Variants in PTPRD observed in about 807,000 individuals in gnomAD.
PTPRD encodes protein tyrosine phosphatase receptor type D.
PTPRD carries 34 observed loss-of-function variants against 214.5 expected under a neutral mutation model. That is an observed-to-expected ratio of 0.16 (90% CI 0.12 to 0.21). The LOEUF (loss-of-function observed/expected upper bound fraction) is 0.21. PTPRD is among the 10% of genes least tolerant of loss of function. The pLI is 1.00. For synonymous variants in PTPRD, 1,128 were observed against 845.7 expected (o/e 1.33, Z -5.79); for missense variants, 2,545 against 2,398.7 (o/e 1.06, Z -1.27).
chr9:9,136,649 A>G (rs930179550), intron 10 of PTPRD, among the ~76,000 whole-genome samples: 5 of 152,200 alleles, frequency 3.3e-5, no homozygotes, highest in Admixed American at 6.5e-5. Context: ...AAATTTTTCA[A>G]CTGCAGTGTT....
intron 3 of PTPRD, among the ~76,000 whole-genome samples, chr9:10,268,124 T>G (rs1595763861): frequency 6.6e-6 from 1 of 150,624 alleles, no homozygotes; most frequent in Non-Finnish European, 1.5e-5. Context: ...TCTTTTTTTT[T>G]TTTTTTTTTT....
At chr9:9,237,086 CA>C (rs1436638470) in intron 9 of PTPRD, among the ~76,000 whole-genome samples, 1 of 152,106 alleles carries the variant, frequency 6.6e-6, no homozygotes, top group Admixed American at 6.6e-5. Context: ...GAAAAAGAAA[CA>C]ATTTATTAAA....
intron 12 of PTPRD, among the ~76,000 whole-genome samples, chr9:8,728,589 C>T (rs1402880273): frequency 6.6e-6 from 1 of 152,370 alleles, no homozygotes; most frequent in South Asian, 2.1e-4. Context: ...AGAAAGTTAT[C>T]CTTTCCTTTC....
At position 8,909,750 on chromosome 9, in the gene PTPRD, T is replaced by C. The variant is rs556031996; in HGVS notation, c.-104+108947A>G. The stretch of plus-strand genomic sequence containing the variant: ...TAAACATCAAATAAGGTGGAAGACA[T>C]AGAGATAGAGATAGAGACAGAGATA... On this transcript the variant is annotated intron_variant, in intron 11 of 45. Transcript: ENST00000381196. Among the ~76,000 whole-genome samples the C allele has an allele frequency of 5.4e-5, 8 of 148,188 alleles. No homozygotes were observed. In the South Asian group the frequency reaches 1.3e-3, roughly 24 times the overall value.
At chr9:9,415,261 G>C (rs950355459) in intron 8 of PTPRD, among the ~76,000 whole-genome samples, 34 of 152,154 alleles carry the variant, frequency 2.2e-4, no homozygotes, top group African/African-American at 7.5e-4. Context: ...AGATCTCGAG[G>C]CTAGGAGTTT....
At chr9:9,466,659 T>C (rs543926230) in intron 8 of PTPRD, among the ~76,000 whole-genome samples, 4 of 152,208 alleles carry the variant, frequency 2.6e-5, no homozygotes, top group Admixed American at 1.3e-4. Context: ...TCTGTATGGA[T>C]AGACAACTTA....
In PTPRD at chr9:8,502,191, C is replaced by A. The variant is rs376315839; in HGVS notation, c.1823-1132G>T. ...AATTAAAAATCAATAAAAGACAGCACAATTACTATCATTATTTAAAACTTA... is the reference window on the plus strand; with the variant it reads ...AATTAAAAATCAATAAAAGACAGCAAAATTACTATCATTATTTAAAACTTA... On this transcript the variant is annotated intron_variant, in intron 23 of 45. Coordinates refer to ENST00000381196, the MANE Select transcript of PTPRD (RefSeq NM_002839.4). 4.6e-5 allele frequency among the ~76,000 whole-genome samples: 7 copies of A among 152,022 alleles called. No individual in the cohort carries two copies. The East Asian group carries it at 9.6e-4, about 21-fold the overall frequency.
intron 3 of PTPRD, among the ~76,000 whole-genome samples, chr9:10,243,159 T>G (rs1047363071): frequency 6.6e-6 from 1 of 151,928 alleles, no homozygotes; most frequent in Non-Finnish European, 1.5e-5. Context: ...GAGGAGGGAG[T>G]TATTCAGAGA....
At chr9:9,554,483 G>A (rs921124347) in intron 8 of PTPRD, among the ~76,000 whole-genome samples, 1 of 151,766 alleles carries the variant, frequency 6.6e-6, no homozygotes, top group East Asian at 1.9e-4. Flanking sequence ...GACATGGTTC[G>A]GGGGAGTGGG....
chr9:9,243,035 C>T lies in PTPRD; in HGVS notation c.-202-59672G>A, dbSNP rs143494860. Among the ~76,000 whole-genome samples, 302 of 152,200 alleles carry T rather than the reference C, an allele frequency of 2.0e-3. 2 individuals are homozygous for T. The highest frequency in any genetic ancestry group is 6.7e-3 in the African/African-American group (278 of 41,552). On this transcript the variant is annotated intron_variant, in intron 9 of 45. Coordinates refer to ENST00000381196, the MANE Select transcript of PTPRD (RefSeq NM_002839.4). Reference sequence around the variant, plus strand: ...TGGGGTTTTGGTGTGGATATCCCTTCTGTTTGTTAGTTTTCCTTTTAACAG... The same window carrying T: ...TGGGGTTTTGGTGTGGATATCCCTTTTGTTTGTTAGTTTTCCTTTTAACAG...
intron 39 of PTPRD, among the ~76,000 whole-genome samples, chr9:8,364,527 A>C (rs913207378): frequency 1.3e-5 from 2 of 152,224 alleles, no homozygotes; most frequent in African/African-American, 4.8e-5. Context: ...CTCATGCTAC[A>C]GCCACGGCAC....
intron 5 of PTPRD, among the ~76,000 whole-genome samples, chr9:9,904,588 A>T (rs974793179): frequency 3.9e-5 from 6 of 152,028 alleles, no homozygotes; most frequent in African/African-American, 1.4e-4. Flanking sequence ...TTCCTTCCAC[A>T]CCTACAAAAT....
intron 5 of PTPRD, among the ~76,000 whole-genome samples, chr9:9,884,456 T>A (rs1020128940): frequency 2.7e-4 from 41 of 152,132 alleles, no homozygotes; most frequent in African/African-American, 9.9e-4. Flanking sequence ...GCAGAGCTCA[T>A]TGTTTACAAA....
At chr9:9,889,936 G>A (rs1012082807) in intron 5 of PTPRD, among the ~76,000 whole-genome samples, 42 of 151,950 alleles carry the variant, frequency 2.8e-4, no homozygotes, top group African/African-American at 1.0e-3. Context: ...CTGAAGAACG[G>A]CAGAGGGTGA....
At chr9:9,086,300 G>C (rs908774496) in intron 10 of PTPRD, among the ~76,000 whole-genome samples, 1 of 152,140 alleles carries the variant, frequency 6.6e-6, no homozygotes, top group Non-Finnish European at 1.5e-5. Flanking sequence ...TTTTAGTTTT[G>C]ATATGGAGAT....
intron 11 of PTPRD, among the ~76,000 whole-genome samples, chr9:8,885,524 C>T (rs969563917): frequency 4.1e-5 from 5 of 122,720 alleles, no homozygotes; most frequent in Non-Finnish European, 8.0e-5. Flanking sequence ...GAGACCAAGT[C>T]TCGCTCTTGT....
At chr9:9,304,708 T>C (rs1956561080) in intron 9 of PTPRD, among the ~76,000 whole-genome samples, 2 of 151,186 alleles carry the variant, frequency 1.3e-5, no homozygotes, top group East Asian at 3.9e-4. Context: ...TAATACTATA[T>C]AATCTCTAGA....
intron 11 of PTPRD, among the ~76,000 whole-genome samples, chr9:8,924,512 T>C (rs1411528230): frequency 6.6e-6 from 1 of 152,142 alleles, no homozygotes; most frequent in Non-Finnish European, 1.5e-5. Flanking sequence ...ATTCTTCTTG[T>C]AACAATCAGG....
At chr9:9,531,782 G>A (rs1001814892) in intron 8 of PTPRD, among the ~76,000 whole-genome samples, 11 of 152,060 alleles carry the variant, frequency 7.2e-5, no homozygotes, top group African/African-American at 2.7e-4. Context: ...GAGCAGGATT[G>A]CTGGGTGATA....
Sources: gnomAD v4.1 joint callset for allele counts (sites outside exome capture counted in the v4.1 genomes callset) on GRCh38, gnomAD v4.1.1 for gene constraint, MANE v1.5 for transcripts, NCBI Gene and HGNC (gene_info 2026-07-23, HGNC 2026-07-21) for gene names.